The following SLC27A6 variants were observed in gnomAD, a reference collection of about 807,000 sequenced individuals.
SLC27A6 encodes the protein solute carrier family 27 member 6.
Under a neutral mutation model 63.9 loss-of-function variants are expected in SLC27A6, and 74 were observed. The observed-to-expected ratio is 1.16, with a 90% CI of 0.96 to 1.40. SLC27A6 has a LOEUF of 1.40. SLC27A6 is among the 40% of genes most tolerant of loss of function. The pLI, the probability that SLC27A6 is intolerant of heterozygous loss-of-function variation, is 0.00. For missense variants in SLC27A6, 794 were observed against 732.9 expected (o/e 1.08, Z -0.96); for synonymous variants, 287 against 260.8 (o/e 1.10, Z -0.97).
At chr5:128,993,888 A>G (rs1751061483) in intron 4 of SLC27A6, among the ~76,000 whole-genome samples, 1 of 152,144 alleles carries the variant, frequency 6.6e-6, no homozygotes, top group African/African-American at 2.4e-5. Flanking sequence ...TGGGCAGATC[A>G]CTTGAGGTCA....
At chr5:129,013,887 C>T (rs551955503) in intron 4 of SLC27A6, among the ~76,000 whole-genome samples, 2 of 152,200 alleles carry the variant, frequency 1.3e-5, no homozygotes, top group South Asian at 2.1e-4. Context: ...CTTTAATCAT[C>T]ATATTTCAGA....
chr5:129,012,298 G>A (rs1290597632), intron 4 of SLC27A6, among the ~76,000 whole-genome samples: 1 of 151,402 alleles, frequency 6.6e-6, no homozygotes, highest in Non-Finnish European at 1.5e-5. Context: ...TTGATCTGTG[G>A]TTTAATTTTA....
intron 4 of SLC27A6, among the ~76,000 whole-genome samples, chr5:128,993,831 G>T (rs1009660241): frequency 9.3e-5 from 14 of 150,634 alleles, no homozygotes; most frequent in Middle Eastern, 3.4e-3. Context: ...TTTAGGGGTG[G>T]GCATGGTGGT....
chr5:129,023,706 A>G lies in SLC27A6; in HGVS notation c.1251A>G (p.Lys417=). ...AGCAGGGTTGGTGTATTCATGTGAA[A>G]AAAGGTAAGACTTCTATTTGAAGAC... ...RNEQGWCIHV[K]KGEPGLLISR... is the part of the protein sequence containing the mutation. Residue 417 remains lysine, a synonymous_variant, in exon 6 of 10, where the codon AAA becomes AAG. Coordinates refer to ENST00000262462, the MANE Select transcript of SLC27A6 (RefSeq NM_001017372.3). 1 of 1,602,284 alleles carries G rather than the reference A, an allele frequency of 6.2e-7. No homozygotes were observed. Among genetic ancestry groups the G allele is most frequent in the Non-Finnish European group, 8.5e-7 (1 of 1,171,796 alleles).
chr5:128,979,090 A>C (rs1000551200), intron 1 of SLC27A6, among the ~76,000 whole-genome samples: 1 of 151,854 alleles, frequency 6.6e-6, no homozygotes, highest in African/African-American at 2.4e-5. Flanking sequence ...TACCAGGATC[A>C]TAAAGTATAT....
chr5:128,990,247 A>C, intron 3 of SLC27A6, 93 bp from the exon 4 acceptor site: 1 of 1,277,388 alleles, frequency 7.8e-7, no homozygotes, highest in South Asian at 1.5e-5. Flanking sequence ...AAATGAGCAA[A>C]CATGTTCTAG....
In SLC27A6 at chr5:129,023,549, G is replaced by A. The variant is rs533083337; in HGVS notation, c.1165-71G>A. 3.0e-4 allele frequency: 315 copies of A among 1,039,742 alleles called. 1 individual carries two copies. In the African/African-American group the frequency reaches 4.7e-3, roughly 15 times the overall value. 64.4% of individuals were successfully genotyped at this position (1,039,742 alleles called of 1,614,324 possible). On this transcript the variant is annotated intron_variant, in intron 5 of 9. Transcript: ENST00000262462. ...ATAGTCTACTACAGTAGACTAAATT[G>A]CTTGTACAAGTAACTAAATGCACAA...
chr5:129,007,460 A>T (rs1394506000), intron 4 of SLC27A6, among the ~76,000 whole-genome samples: 10 of 144,760 alleles, frequency 6.9e-5, no homozygotes, highest in African/African-American at 1.1e-4. Context: ...AAAAAAAAAA[A>T]AAAAATATAA....
chr5:128,970,826 T>G (rs1208298041), intron 1 of SLC27A6, among the ~76,000 whole-genome samples: 1 of 146,400 alleles, frequency 6.8e-6, no homozygotes, highest in African/African-American at 2.5e-5. Context: ...CTCTTGCTTC[T>G]CTAGTTCTTT....
rs1752356661 is a variant in SLC27A6, at chr5:129,029,669, C to G, written c.1645C>G (p.Leu549Val). The change falls in exon 9 of 10, where the codon CTA becomes GTA. Residue 549 changes from leucine (L) to valine (V), a missense_variant. By Grantham distance (32) the Leu-to-Val change is conservative (BLOSUM62 1). Transcript: ENST00000262462. ...AGTTTATGAACAAGTTGTAACATTT[C>G]TACCAGCTTATGCTTGTCCACGATT... ...EKVYEQVVTF[L>V]PAYACPRFLR... 6.2e-7 allele frequency: 1 copy of G among 1,601,836 alleles called. No individual in the cohort carries two copies. The highest frequency in any genetic ancestry group is 1.4e-5 in the African/African-American group (1 of 74,070).
chr5:129,011,660 G>A (rs1751731046), intron 4 of SLC27A6, among the ~76,000 whole-genome samples: 1 of 152,148 alleles, frequency 6.6e-6, no homozygotes, highest in Admixed American at 6.5e-5. Context: ...ATCCTATGGG[G>A]AATGCAGAGG....
intron 1 of SLC27A6, among the ~76,000 whole-genome samples, chr5:128,972,774 TC>T (rs1338281601): frequency 6.6e-6 from 1 of 152,194 alleles, no homozygotes; most frequent in Non-Finnish European, 1.5e-5. Context: ...TTCTGTCACC[TC>T]ATCAAATTCA....
rs781414402 is a variant in SLC27A6 at position 129,033,293 on chromosome 5, T to TGG, written c.*11_*12insGG. ...GAAATAAAACTTTAAGATTTTTATA[T>TGG]CTAGAACTTTCATATGCTTTCTTAG... On this transcript the variant is annotated 3_prime_UTR_variant, in exon 10 of 10. Coordinates refer to ENST00000262462, the MANE Select transcript of SLC27A6 (RefSeq NM_001017372.3). The TGG allele has an allele frequency of 1.3e-6, 2 of 1,494,020 alleles. No individual in the cohort carries two copies. The highest frequency in any genetic ancestry group is 2.5e-5 in the South Asian group (2 of 78,744). The allele number at this position is 1,494,020 out of a possible 1,614,324, so 92.5% of individuals were successfully genotyped here.
intron 4 of SLC27A6, among the ~76,000 whole-genome samples, chr5:129,000,972 A>G (rs879519439): frequency 1.3e-5 from 2 of 152,166 alleles, no homozygotes; most frequent in Non-Finnish European, 2.9e-5. Context: ...TTATGTCTGG[A>G]AAATGAGTTT....
chr5:129,023,255 G>C (rs1248441618), intron 5 of SLC27A6, among the ~76,000 whole-genome samples: 1 of 151,772 alleles, frequency 6.6e-6, no homozygotes. Context: ...CATTTCAAGG[G>C]CTATTTTAAA....
At chr5:128,983,732 A>G (rs1403052317) in intron 1 of SLC27A6, among the ~76,000 whole-genome samples, 1 of 152,168 alleles carries the variant, frequency 6.6e-6, no homozygotes, top group Non-Finnish European at 1.5e-5. Context: ...TGTGAGCTTG[A>G]TGTATGAGTT....
chr5:129,033,040 A>G (rs1561636509), intron 9 of SLC27A6, 66 bp from the exon 10 acceptor site: 1 of 968,130 alleles, frequency 1.0e-6, no homozygotes, highest in Non-Finnish European at 1.5e-6. Context: ...AGTCTATAGT[A>G]TTAACTATAT....
Position 129,028,451 on chromosome 5 carries a change from A to T in SLC27A6, c.1552+9A>T, listed in dbSNP as rs899657692. 1.0e-5 allele frequency: 15 copies of T among 1,506,114 alleles called. No homozygotes were observed. The highest frequency in any genetic ancestry group is 1.4e-5 in the Non-Finnish European group (15 of 1,092,630). The allele number at this position is 1,506,114 out of a possible 1,614,324, so 93.3% of individuals were successfully genotyped here. A position where few individuals can be genotyped will look rare whatever the true frequency, so the allele number is the denominator to read the frequency against. ...TGGTGTGGCTATATCAGGTATAAATATATTTCAGATTTTGGAAAGATTCTT... is the reference window on the plus strand; with the variant it reads ...TGGTGTGGCTATATCAGGTATAAATTTATTTCAGATTTTGGAAAGATTCTT... On this transcript the variant is annotated intron_variant, in intron 8 of 9. Transcript: ENST00000262462.
intron 4 of SLC27A6, among the ~76,000 whole-genome samples, chr5:128,996,684 A>G (rs1023755852): frequency 8.5e-5 from 13 of 152,266 alleles, no homozygotes; most frequent in Admixed American, 3.3e-4. Context: ...TAAGAGTTCA[A>G]TTAGAAAGGA....
Sources: allele counts gnomAD v4.1 joint callset (sites outside exome capture counted in the v4.1 genomes callset), GRCh38; gene constraint gnomAD v4.1.1; transcripts MANE v1.5; gene names NCBI Gene and HGNC (gene_info 2026-07-23, HGNC 2026-07-21).